The following PHLDB2 variants were observed in gnomAD, a reference collection of about 807,000 sequenced individuals.
The protein encoded by PHLDB2 is pleckstrin homology like domain family B member 2, also known as pleckstrin homology-like domain family B member 2.
In PHLDB2, 71 loss-of-function variants were observed where a neutral mutation model predicts 123.6. The ratio of observed to expected loss-of-function variants is 0.57; its 90% CI spans 0.47 to 0.70. PHLDB2 has a LOEUF of 0.70. Among genes scored for constraint, PHLDB2 ranks in the 30% least tolerant of loss-of-function variants. The probability of loss-of-function intolerance (pLI) is 0.00; values close to 1 mark genes in which losing one functional copy is unlikely to be tolerated. For missense variants in PHLDB2, 1,446 were observed against 1,519.5 expected (o/e 0.95, Z 0.80); for synonymous variants, 547 against 541.6 (o/e 1.01, Z -0.14).
upstream of PHLDB2, among the ~76,000 whole-genome samples, chr3:111,855,506 TC>T (rs1559869499): frequency 1.7e-4 from 1 of 6,034 alleles, no homozygotes; most frequent in African/African-American, 2.0e-4. Flanking sequence ...TTCCTTCTTT[TC>T]TTTCCTTTCT....
rs758180908 is a variant in PHLDB2 at position 111,974,434 on chromosome 3, G to A, written c.3633G>A (p.Pro1211=). 4.9e-5 allele frequency: 78 copies of A among 1,601,734 alleles called. No homozygotes were observed. Among genetic ancestry groups the A allele is most frequent in the Non-Finnish European group, 5.5e-5 (65 of 1,174,482 alleles). Residue 1211 remains proline (P), a synonymous_variant, in exon 18 of 18, where the codon CCG becomes CCA. Transcript: ENST00000431670. ...HLKNANKSPN[P]LLTFSVKTHD... ...TTTTTGAATTTTAGAGTCCTAATCC[G>A]TTACTCACCTTTAGCGTCAAGACTC... is the stretch of plus-strand genomic sequence containing the variant.
intron 13 of PHLDB2, among the ~76,000 whole-genome samples, chr3:111,965,331 G>C (rs2071682051): frequency 6.6e-6 from 1 of 152,180 alleles, no homozygotes; most frequent in African/African-American, 2.4e-5. Context: ...GTATTCCTAA[G>C]ACAGTTCACT....
At chr3:111,965,325 T>G (rs1365377854) in intron 13 of PHLDB2, among the ~76,000 whole-genome samples, 1 of 152,208 alleles carries the variant, frequency 6.6e-6, no homozygotes, top group Non-Finnish European at 1.5e-5. Context: ...GATCCGGTAT[T>G]CCTAAGACAG....
At chr3:111,960,567 ATG>A (rs1391993226) in intron 12 of PHLDB2, among the ~76,000 whole-genome samples, 2 of 152,214 alleles carry the variant, frequency 1.3e-5, no homozygotes, top group African/African-American at 4.8e-5. Context: ...GGCATCATGG[ATG>A]TGGCTTCTAT....
At chr3:111,917,966 A>G (rs1360360639) in intron 3 of PHLDB2, among the ~76,000 whole-genome samples, 3 of 152,150 alleles carry the variant, frequency 2.0e-5, no homozygotes, top group African/African-American at 7.2e-5. Context: ...TTCAATTTTC[A>G]TTTGTGAAAC....
intron 1 of PHLDB2, among the ~76,000 whole-genome samples, chr3:111,815,942 C>A (rs1292251737): frequency 6.6e-6 from 1 of 152,202 alleles, no homozygotes; most frequent in Non-Finnish European, 1.5e-5. Context: ...TGGTGCCCAG[C>A]TGCTCCATAT....
chr3:111,936,806 T>TA, intron 6 of PHLDB2, among the ~76,000 whole-genome samples: 1 of 152,198 alleles, frequency 6.6e-6, no homozygotes, highest in Non-Finnish European at 1.5e-5. Flanking sequence ...TCCTTTTTTT[T>TA]AAATCTCAGT....
chr3:111,837,295 G>A (rs1277407936), intron 1 of PHLDB2, among the ~76,000 whole-genome samples: 2 of 152,182 alleles, frequency 1.3e-5, no homozygotes, highest in Non-Finnish European at 2.9e-5. Flanking sequence ...AAGTTCTTAC[G>A]CAACCTTGTA....
chr3:111,777,546 G>A (rs2060288569), intron 1 of PHLDB2, among the ~76,000 whole-genome samples: 1 of 152,170 alleles, frequency 6.6e-6, no homozygotes, highest in East Asian at 1.9e-4. Context: ...TTTTAGAAGA[G>A]CAAAAAGACT....
At chr3:111,801,814 A>G (rs1239624299) in intron 1 of PHLDB2, among the ~76,000 whole-genome samples, 1 of 152,182 alleles carries the variant, frequency 6.6e-6, no homozygotes, top group Non-Finnish European at 1.5e-5. Context: ...CAGAACATAC[A>G]TTAGTGGTTG....
At chr3:111,739,584 AAAAC>A (rs763863370) in intron 1 of PHLDB2, among the ~76,000 whole-genome samples, 2 of 78,916 alleles carry the variant, frequency 2.5e-5, no homozygotes, top group Admixed American at 1.4e-4. Context: ...AAAAAAAAAA[AAAAC>A]AAAACAAACA....
chr3:111,765,349 CT>C (rs1401300547), intron 1 of PHLDB2, among the ~76,000 whole-genome samples: 1 of 152,180 alleles, frequency 6.6e-6, no homozygotes, highest in Non-Finnish European at 1.5e-5. Flanking sequence ...AGTGACTGTG[CT>C]TTTTCCTTTT....
intron 3 of PHLDB2, chr3:111,916,481 A>G (rs975416132): frequency 6.6e-6 from 1 of 152,228 alleles, no homozygotes; most frequent in Non-Finnish European, 1.5e-5. Flanking sequence ...ACAAAGTACA[A>G]TGTTAATAAT....
intron 1 of PHLDB2, among the ~76,000 whole-genome samples, chr3:111,861,435 A>C (rs1011204473): frequency 6.6e-6 from 1 of 152,210 alleles, no homozygotes; most frequent in African/African-American, 2.4e-5. Context: ...GGAAGAGTTG[A>C]GTTTGTCGTC....
Position 111,742,500 on chromosome 3 carries a change from C to A in PHLDB2, c.-49+9797C>A, listed in dbSNP as rs149908714. On this transcript the variant is annotated intron_variant, in intron 1 of 17. Coordinates refer to the PHLDB2 transcript ENST00000393923. Reference sequence around the variant, plus strand: ...AACAGGCCCCGGTGTGTGATGTTCCCCTTCCTGTGTCCAAGTGTTCTCATT... The same window carrying A: ...AACAGGCCCCGGTGTGTGATGTTCCACTTCCTGTGTCCAAGTGTTCTCATT... Among the ~76,000 whole-genome samples, 522 of 152,164 alleles carry A rather than the reference C, an allele frequency of 3.4e-3. 22 individuals are homozygous for A. In the East Asian group the frequency reaches 0.084, roughly 25 times the overall value.
At position 111,954,020 on chromosome 3, in the gene PHLDB2, A is replaced by T. The variant is rs1191991363; in HGVS notation, c.2863A>T (p.Met955Leu). 1.9e-6 allele frequency: 3 copies of T among 1,613,014 alleles called. No homozygotes were observed. The highest frequency in any genetic ancestry group is 8.5e-7 in the Non-Finnish European group (1 of 1,179,376). The change falls in exon 12 of 18, where the codon ATG (methionine) becomes TTG (leucine). Residue 955 changes from methionine to leucine, a missense_variant. By Grantham distance (15) the Met-to-Leu change is conservative (BLOSUM62 2). This residue lies in a region of PHLDB2 where 594 missense variants were observed against 646.0 expected (regional missense o/e 0.92). Transcript: ENST00000431670. ...GGCCAAAGACTCAGAATCTCGGAGG[A>T]TGCTCAGAGGTACGTACCTTTTAAA... is the stretch of plus-strand genomic sequence containing the variant. ...AMAKDSESRR[M>L]LRGYNHQQMS...
intron 8 of PHLDB2, among the ~76,000 whole-genome samples, chr3:111,941,124 G>A (rs1450988087): frequency 6.6e-6 from 1 of 152,160 alleles, no homozygotes; most frequent in Non-Finnish European, 1.5e-5. Context: ...TAATTGGGTA[G>A]GTAGAAACTC....
At chr3:111,970,270 T>G (rs1159060042) in intron 16 of PHLDB2, among the ~76,000 whole-genome samples, 1 of 152,234 alleles carries the variant, frequency 6.6e-6, no homozygotes, top group Non-Finnish European at 1.5e-5. Context: ...ACAAATTGTT[T>G]ATGTTCACTG....
chr3:111,939,251 C>A, intron 6 of PHLDB2, among the ~76,000 whole-genome samples: 1 of 152,180 alleles, frequency 6.6e-6, no homozygotes, highest in East Asian at 1.9e-4. Flanking sequence ...CTTACCTCCA[C>A]AGAGAAGTCT....
Sources: allele counts gnomAD v4.1 joint callset (sites outside exome capture counted in the v4.1 genomes callset), GRCh38; gene constraint gnomAD v4.1.1; regional missense constraint gnomAD v4.1.1; transcripts MANE v1.5; gene names NCBI Gene and HGNC (gene_info 2026-07-23, HGNC 2026-07-21).